Variants in TDRP observed in about 807,000 individuals in gnomAD.
TDRP encodes testis development related protein.
In TDRP, 12 loss-of-function variants were observed where a neutral mutation model predicts 10.5. The observed-to-expected ratio is 1.15, with a 90% CI of 0.73 to 1.86. The LOEUF (loss-of-function observed/expected upper bound fraction) is 1.86. TDRP is among the 40% of genes most tolerant of loss of function. The pLI is 0.00. For synonymous variants in TDRP, 139 were observed against 95.4 expected (o/e 1.46, Z -2.67); for missense variants, 353 against 229.2 (o/e 1.54, Z -3.49).
At chr8:521,341 C>A (rs1344738745) in intron 1 of TDRP, among the ~76,000 whole-genome samples, 1 of 151,958 alleles carries the variant, frequency 6.6e-6, no homozygotes, top group African/African-American at 2.4e-5. Context: ...GGCGTGAACC[C>A]GGGAGGCGGG....
chr8:491,557 TAA>T lies in TDRP; in HGVS notation c.*840_*841del. On this transcript the variant is annotated 3_prime_UTR_variant, in exon 3 of 3. Transcript: ENST00000324079. ...TGCAAGAACAAACATATGAGCCTAA[TAA>T]AAAAGAGGCACTTCAGTATTTTATG... is the stretch of plus-strand genomic sequence containing the variant. 6.8e-7 allele frequency: 1 copy of T among 1,468,576 alleles called. No homozygotes were observed. The allele number at this position is 1,468,576 out of a possible 1,614,324, so 91.0% of individuals were successfully genotyped here.
chr8:515,726 G>A (rs1175633308), intron 1 of TDRP, among the ~76,000 whole-genome samples: 1 of 152,044 alleles, frequency 6.6e-6, no homozygotes, highest in South Asian at 2.1e-4. Context: ...ATGCATAAGA[G>A]AGAAATAAAA....
chr8:507,908 T>G (rs550186667), intron 1 of TDRP, among the ~76,000 whole-genome samples: 9 of 152,274 alleles, frequency 5.9e-5, no homozygotes, highest in African/African-American at 1.9e-4. Context: ...ACTATTTAAC[T>G]TAAAGTTAAA....
chr8:535,808 G>A (rs1455591737), intron 1 of TDRP, among the ~76,000 whole-genome samples: 2 of 151,434 alleles, frequency 1.3e-5, no homozygotes, highest in African/African-American at 2.4e-5. Context: ...GTGTAGGGGT[G>A]GGCCCACCCG....
intron 1 of TDRP, among the ~76,000 whole-genome samples, chr8:530,625 G>T (rs868849245): frequency 2.0e-5 from 3 of 152,048 alleles, no homozygotes; most frequent in African/African-American, 7.2e-5. Context: ...TTTCTTTTCA[G>T]TTGCTTGTAA....
At chr8:515,836 T>A (rs1053784171) in intron 1 of TDRP, among the ~76,000 whole-genome samples, 2 of 152,156 alleles carry the variant, frequency 1.3e-5, no homozygotes, top group Admixed American at 1.3e-4. Flanking sequence ...ATAATTACTT[T>A]TAGACAATGA....
At chr8:522,597 T>C (rs182735530) in intron 1 of TDRP, among the ~76,000 whole-genome samples, 15 of 152,344 alleles carry the variant, frequency 9.8e-5, no homozygotes, top group Non-Finnish European at 1.9e-4. Flanking sequence ...GCTTCTGTAA[T>C]ATGCTTTGCC....
intron 1 of TDRP, among the ~76,000 whole-genome samples, chr8:542,750 C>A (rs1467604683): frequency 1.3e-5 from 2 of 150,126 alleles, no homozygotes; most frequent in Non-Finnish European, 3.0e-5. Context: ...GTAATCCCAG[C>A]TACTCAAGAG....
intron 1 of TDRP, among the ~76,000 whole-genome samples, chr8:513,135 G>C (rs1334708648): frequency 1.3e-5 from 2 of 148,392 alleles, no homozygotes; most frequent in African/African-American, 5.0e-5. Context: ...AGAAGAGCAA[G>C]GAACATTTTC....
chr8:509,712 G>C (rs905323074), intron 1 of TDRP, among the ~76,000 whole-genome samples: 2 of 152,128 alleles, frequency 1.3e-5, no homozygotes, highest in Non-Finnish European at 2.9e-5. Flanking sequence ...CTATTGTCTT[G>C]ATGATTAACA....
intron 1 of TDRP, among the ~76,000 whole-genome samples, chr8:529,384 C>T (rs927370318): frequency 5.9e-5 from 9 of 152,226 alleles, no homozygotes; most frequent in Middle Eastern, 6.8e-3. Flanking sequence ...TAATTCTATA[C>T]CAGAATTTAA....
At chr8:505,650 C>A (rs1801440758) in intron 1 of TDRP, among the ~76,000 whole-genome samples, 1 of 152,320 alleles carries the variant, frequency 6.6e-6, no homozygotes, top group Admixed American at 6.5e-5. Context: ...GCATGGCCAA[C>A]AGAAACCAAT....
chr8:539,730 C>G (rs1203128930), intron 1 of TDRP, among the ~76,000 whole-genome samples: 1 of 152,226 alleles, frequency 6.6e-6, no homozygotes, highest in Non-Finnish European at 1.5e-5. Context: ...CAGGCCTTTT[C>G]TGGATTTCAG....
At chr8:537,321 C>G (rs1802373549) in intron 1 of TDRP, among the ~76,000 whole-genome samples, 1 of 152,192 alleles carries the variant, frequency 6.6e-6, no homozygotes, top group South Asian at 2.1e-4. Flanking sequence ...TGCAGCTGTC[C>G]CAGGACCCTC....
At chr8:504,812 G>C (rs183597741) in intron 1 of TDRP, among the ~76,000 whole-genome samples, 196 of 152,282 alleles carry the variant, frequency 1.3e-3, no homozygotes, top group African/African-American at 4.6e-3. Context: ...AAATGAACTT[G>C]TGCTCTCTGC....
intron 1 of TDRP, among the ~76,000 whole-genome samples, chr8:534,592 A>C (rs1802297244): frequency 6.6e-6 from 1 of 152,162 alleles, no homozygotes. Context: ...GCTGTGAAAA[A>C]CAGTGAAATC....
Position 544,658 on chromosome 8 carries a change from GGGCGGCGGC to G in TDRP, c.91_99del (p.Ala31_Ala33del), listed in dbSNP as rs71202629. The G allele has an allele frequency of 2.1e-5, 26 of 1,241,774 alleles. No homozygotes were observed. The highest frequency in any genetic ancestry group is 2.4e-5 in the Non-Finnish European group (24 of 993,782). The allele number at this position is 1,241,774 out of a possible 1,614,324, so 76.9% of individuals were successfully genotyped here. On this transcript the variant is annotated inframe_deletion, in exon 1 of 3. Transcript: ENST00000324079. ...CCTGCGCACCCCCTCACCTGCGCCT[GGGCGGCGGC>G]GGCGGCGGCCGGTGGCGGCCCCCCA...
chr8:505,115 A>T (rs1801420849), intron 1 of TDRP, among the ~76,000 whole-genome samples: 1 of 152,236 alleles, frequency 6.6e-6, no homozygotes, highest in South Asian at 2.1e-4. Flanking sequence ...TAATTACCAC[A>T]TTTGGAATTA....
At position 491,461 on chromosome 8, in the gene TDRP, C is replaced by G. The variant is rs1218194080; in HGVS notation, c.*938G>C. 4.4e-6 allele frequency: 3 copies of G among 677,574 alleles called. No individual in the cohort carries two copies. Among genetic ancestry groups the G allele is most frequent in the Non-Finnish European group, 6.7e-6 (3 of 447,510 alleles). The allele number at this position is 677,574 out of a possible 1,614,324, so 42.0% of individuals were successfully genotyped here. A position where few individuals can be genotyped will look rare whatever the true frequency, so the allele number is the denominator to read the frequency against. On this transcript the variant is annotated 3_prime_UTR_variant, in exon 3 of 3. Coordinates refer to ENST00000324079, the MANE Select transcript of TDRP (RefSeq NM_001384899.1). The stretch of plus-strand genomic sequence containing the variant: ...ACGCGAGAGATGCTCTCAAACCGGT[C>G]GTCGATTATTCTTGTGGAAAAAACA...
Sources: gnomAD v4.1 joint callset for allele counts (sites outside exome capture counted in the v4.1 genomes callset) on GRCh38, gnomAD v4.1.1 for gene constraint, MANE v1.5 for transcripts, NCBI Gene and HGNC (gene_info 2026-07-23, HGNC 2026-07-21) for gene names.